Variants in PTPRE observed in about 807,000 individuals in gnomAD.
PTPRE encodes the protein receptor-type tyrosine-protein phosphatase epsilon.
A neutral mutation model predicts 102.0 loss-of-function variants in PTPRE; 51 were observed. The ratio of observed to expected loss-of-function variants is 0.50; its 90% CI spans 0.40 to 0.63. The LOEUF is 0.63. Ranked by LOEUF, PTPRE falls within the 30% of genes least tolerant of loss-of-function variation. PTPRE has a pLI of 0.00. For synonymous variants in PTPRE, 345 were observed against 348.2 expected, an observed-to-expected ratio of 0.99 and a Z score of 0.10; for missense variants, 752 against 915.1, an observed-to-expected ratio of 0.82 and a Z score of 2.30.
At chr10:128,041,493 C>A (rs1374240330) in intron 3 of PTPRE, among the ~76,000 whole-genome samples, 1 of 151,736 alleles carries the variant, frequency 6.6e-6, no homozygotes, top group Non-Finnish European at 1.5e-5. Flanking sequence ...ACTAAAAGTA[C>A]AAAAATTAGC....
intron 2 of PTPRE, among the ~76,000 whole-genome samples, chr10:128,035,270 T>C (rs1847115212): frequency 7.2e-6 from 1 of 139,816 alleles, no homozygotes; most frequent in Non-Finnish European, 1.6e-5. Flanking sequence ...AAAACATATA[T>C]ATGTATATAT....
At position 127,941,178 on chromosome 10, in the gene PTPRE, G is replaced by C. The variant is rs1448333955; in HGVS notation, c.-31+33869G>C. Among the ~76,000 whole-genome samples the C allele has an allele frequency of 4.6e-5, 7 of 152,228 alleles. No individual in the cohort carries two copies. The East Asian group carries it at 1.3e-3, about 29-fold the overall frequency. On this transcript the variant is annotated intron_variant, in intron 1 of 20. Transcript: ENST00000254667. ...GAGGCCCTGTGGCATCTGAGGTCAA[G>C]GTCACTGCCACTGGGCTGGCAGGGC...
chr10:127,948,349 T>C (rs1174226174), intron 1 of PTPRE, among the ~76,000 whole-genome samples: 4 of 152,138 alleles, frequency 2.6e-5, no homozygotes, highest in African/African-American at 4.8e-5. Flanking sequence ...CCACTCTCAT[T>C]ATCCTACACG....
chr10:127,965,416 C>A (rs191208037), intron 1 of PTPRE, among the ~76,000 whole-genome samples: 3 of 152,074 alleles, frequency 2.0e-5, no homozygotes, highest in Admixed American at 2.0e-4. Flanking sequence ...TCCATTCCAC[C>A]TGGAGTTTGG....
rs565554403 is a variant in PTPRE, at chr10:127,947,544, A to G, written c.-30-34730A>G. Among the ~76,000 whole-genome samples the G allele has an allele frequency of 6.6e-5, 10 of 152,308 alleles. No homozygotes were observed. The South Asian group carries it at 2.1e-3, about 32-fold the overall frequency. On this transcript the variant is annotated intron_variant, in intron 1 of 20. Coordinates refer to ENST00000254667, the MANE Select transcript of PTPRE (RefSeq NM_006504.6). ...CATCCTCTGATGCCTCTGACATTTTACCTTGTCTTTGGACAAATTTTCACA... is the reference window on the plus strand; with the variant it reads ...CATCCTCTGATGCCTCTGACATTTTGCCTTGTCTTTGGACAAATTTTCACA...
chr10:127,947,015 T>G (rs1848667873), intron 1 of PTPRE, among the ~76,000 whole-genome samples: 2 of 134,186 alleles, frequency 1.5e-5, no homozygotes, highest in Non-Finnish European at 3.1e-5. Context: ...AATGAGACCC[T>G]GTCTCAAAAA....
intron 19 of PTPRE, among the ~76,000 whole-genome samples, chr10:128,078,179 G>A (rs945411886): frequency 2.6e-5 from 4 of 152,130 alleles, no homozygotes; most frequent in Non-Finnish European, 5.9e-5. Context: ...GCCTACACCC[G>A]CCCTCTCCCA....
chr10:128,074,944 A>C lies in PTPRE; in HGVS notation c.1599+1473A>C, dbSNP rs538121928. The stretch of plus-strand genomic sequence containing the variant: ...ACATTGTCATTGTCTTTTTGATTAA[A>C]GCCATCCTAGTGGATATGTTCTTTG... On this transcript the variant is annotated intron_variant, in intron 17 of 20. Coordinates refer to ENST00000254667, the MANE Select transcript of PTPRE (RefSeq NM_006504.6). 1.6e-4 allele frequency among the ~76,000 whole-genome samples: 25 copies of C among 152,328 alleles called. 1 individual carries two copies. The South Asian group carries it at 5.2e-3, about 32-fold the overall frequency.
intron 20 of PTPRE, 26 bp downstream of exon 20, chr10:128,079,721 C>T (rs955225402): frequency 6.3e-6 from 10 of 1,597,362 alleles, no homozygotes; most frequent in Non-Finnish European, 8.6e-6. Flanking sequence ...AGGATGTTAC[C>T]AGAAGAGTGG....
At chr10:127,955,751 G>A (rs1370059937) in intron 1 of PTPRE, among the ~76,000 whole-genome samples, 1 of 152,192 alleles carries the variant, frequency 6.6e-6, no homozygotes, top group Non-Finnish European at 1.5e-5. Flanking sequence ...AAGAAAAGAG[G>A]TTTAATTGAC....
chr10:127,977,403 T>C, intron 1 of PTPRE, among the ~76,000 whole-genome samples: 1 of 152,206 alleles, frequency 6.6e-6, no homozygotes, highest in East Asian at 1.9e-4. Flanking sequence ...AAAATGTAAA[T>C]GCACTTCCAA....
chr10:128,035,292 C>A (rs896411773), intron 2 of PTPRE, among the ~76,000 whole-genome samples: 1 of 151,962 alleles, frequency 6.6e-6, no homozygotes, highest in Non-Finnish European at 1.5e-5. Flanking sequence ...TACACACACA[C>A]ACACACAAAA....
intron 20 of PTPRE, among the ~76,000 whole-genome samples, chr10:128,082,355 G>T (rs115853816): frequency 0.1 from 15,559 of 151,210 alleles, 838 homozygotes; most frequent in Admixed American, 0.14. Context: ...GGGACTATGG[G>T]TGTGCACCAC....
intron 1 of PTPRE, chr10:127,929,423 A>G (rs1847255363): frequency 6.6e-6 from 1 of 152,252 alleles, no homozygotes; most frequent in Admixed American, 6.5e-5. Context: ...AGATCAGCAA[A>G]GATAAACATT....
At chr10:127,989,641 G>A (rs1383563148) in intron 2 of PTPRE, among the ~76,000 whole-genome samples, 1 of 152,246 alleles carries the variant, frequency 6.6e-6, no homozygotes. Context: ...CACCAAAGGT[G>A]AAGTTCAGAC....
chr10:127,985,952 G>A (rs1324741385), intron 2 of PTPRE, among the ~76,000 whole-genome samples: 2 of 152,060 alleles, frequency 1.3e-5, no homozygotes, highest in Non-Finnish European at 2.9e-5. Context: ...TTAGCTGAGT[G>A]TGGTGGCGGG....
chr10:128,004,741 A>C (rs1015942847), intron 2 of PTPRE, among the ~76,000 whole-genome samples: 7 of 152,206 alleles, frequency 4.6e-5, no homozygotes, highest in Non-Finnish European at 1.0e-4. Flanking sequence ...ACACATTTTC[A>C]GTTCTTTTGG....
Position 128,070,276 on chromosome 10 carries a change from G to A in PTPRE, c.1144-25G>A, listed in dbSNP as rs569683925. 2 of 1,584,190 alleles carry A rather than the reference G, an allele frequency of 1.3e-6. No individual in the cohort carries two copies. Among genetic ancestry groups the A allele is most frequent in the Admixed American group, 1.7e-5 (1 of 57,866 alleles). ...AAGACTGCAGGGCAGAGTTGAGGGT[G>A]TGGGCACCCCTGGCCTCTCTGCAGA... On this transcript the variant is annotated intron_variant, in intron 13 of 20. Transcript: ENST00000254667. This position sits in a 1 kb window ranked among gnomAD's most constrained non-coding sequence, Gnocchi z 4.8.
intron 2 of PTPRE, among the ~76,000 whole-genome samples, chr10:127,997,920 C>G (rs1853438909): frequency 6.6e-6 from 1 of 152,230 alleles, no homozygotes; most frequent in South Asian, 2.1e-4. Context: ...ACGGACACTT[C>G]CATCTGTCCC....
Sources: gnomAD v4.1 joint callset for allele counts (sites outside exome capture counted in the v4.1 genomes callset) on GRCh38, gnomAD v4.1.1 for gene constraint, Gnocchi (gnomAD v3.1) non-coding constraint, MANE v1.5 for transcripts, NCBI Gene and HGNC (gene_info 2026-07-23, HGNC 2026-07-21) for gene names.